The following ACYP2 variants were observed in gnomAD, a reference collection of about 807,000 sequenced individuals.
ACYP2 encodes acylphosphatase-2.
ACYP2 carries 12 observed loss-of-function variants against 11.2 expected under a neutral mutation model. The observed-to-expected ratio is 1.08, with a 90% CI of 0.69 to 1.74. The LOEUF is 1.74. Among genes scored for constraint, ACYP2 ranks in the 40% most tolerant of loss-of-function variants. The probability of loss-of-function intolerance (pLI) is 0.00; values close to 1 mark genes in which losing one functional copy is unlikely to be tolerated. For synonymous variants in ACYP2, 43 were observed against 32.2 expected (o/e 1.33, Z -1.13); for missense variants, 134 against 101.9 (o/e 1.31, Z -1.35).
At position 54,256,774 on chromosome 2, in the gene ACYP2, C is replaced by A. The variant is rs371438510; in HGVS notation, c.405-47914C>A. Reference sequence around the variant, plus strand: ...CTCCTGCTTCAGCCTCCCAAGTAGCCGGGATTACAGGCGCCCACCACCATG... The same window carrying A: ...CTCCTGCTTCAGCCTCCCAAGTAGCAGGGATTACAGGCGCCCACCACCATG... On this transcript the variant is annotated intron_variant, in intron 6 of 6. Coordinates refer to ENST00000607452, the MANE Select transcript of ACYP2 (RefSeq NM_001320586.2). Among the ~76,000 whole-genome samples the A allele has an allele frequency of 1.5e-4, 23 of 152,180 alleles. No homozygotes were observed. In the East Asian group the frequency reaches 3.3e-3, roughly 22 times the overall value.
At chr2:54,180,003 C>T (rs907287131) in intron 6 of ACYP2, among the ~76,000 whole-genome samples, 2 of 152,296 alleles carry the variant, frequency 1.3e-5, no homozygotes, top group East Asian at 3.9e-4. Flanking sequence ...TTCTGACCAA[C>T]TGACTGGCTT....
intron 6 of ACYP2, among the ~76,000 whole-genome samples, chr2:54,208,258 C>G (rs1476133411): frequency 1.3e-5 from 2 of 151,980 alleles, no homozygotes; most frequent in African/African-American, 2.4e-5. Context: ...TTTCCCTCCC[C>G]TCTTCTTCCC....
chr2:54,057,380 A>G (rs1676209901), intron 4 of ACYP2: 1 of 397,420 alleles, frequency 2.5e-6, no homozygotes. Context: ...CAAAATAAAT[A>G]CTGATTTTAA....
intron 4 of ACYP2, among the ~76,000 whole-genome samples, chr2:54,097,607 T>C (rs987781143): frequency 3.9e-5 from 6 of 152,108 alleles, no homozygotes; most frequent in Non-Finnish European, 7.4e-5. Flanking sequence ...GGGAAAGGTA[T>C]GGTGAACCCT....
At chr2:54,029,453 G>T (rs1674468994) in intron 2 of ACYP2, 2 of 290,372 alleles carry the variant, frequency 6.9e-6, no homozygotes, top group South Asian at 7.5e-5. Context: ...ATATGTATAT[G>T]TACACACACA....
At chr2:54,242,920 A>G (rs1686791808) in intron 6 of ACYP2, among the ~76,000 whole-genome samples, 1 of 152,224 alleles carries the variant, frequency 6.6e-6, no homozygotes, top group Admixed American at 6.5e-5. Flanking sequence ...GACCGTATGT[A>G]TTATCTGAAG....
intron 6 of ACYP2, among the ~76,000 whole-genome samples, chr2:54,295,382 A>G (rs1276138600): frequency 2.0e-5 from 3 of 152,260 alleles, no homozygotes; most frequent in African/African-American, 7.2e-5. Context: ...ATATTTTCTG[A>G]GTTTCTGTAA....
intron 4 of ACYP2, among the ~76,000 whole-genome samples, chr2:54,057,881 C>G (rs1676241727): frequency 6.6e-6 from 1 of 152,014 alleles, no homozygotes. Context: ...GGAAGAGAGG[C>G]TTTTGATTTG....
intron 6 of ACYP2, among the ~76,000 whole-genome samples, chr2:54,181,297 T>G (rs898372091): frequency 5.3e-5 from 8 of 152,182 alleles, no homozygotes; most frequent in African/African-American, 1.4e-4. Flanking sequence ...CACTTTAGAC[T>G]GGATGGTCAG....
chr2:54,083,621 T>A (rs1677787308), intron 4 of ACYP2, among the ~76,000 whole-genome samples: 1 of 152,196 alleles, frequency 6.6e-6, no homozygotes, highest in African/African-American at 2.4e-5. Flanking sequence ...TGATGGAGAA[T>A]GACTCTCTAC....
intron 6 of ACYP2, among the ~76,000 whole-genome samples, chr2:54,204,392 A>G (rs1684988957): frequency 6.7e-6 from 1 of 150,276 alleles, no homozygotes; most frequent in Non-Finnish European, 1.5e-5. Context: ...TTCTTCTTCC[A>G]GTGTGGCCCA....
chr2:54,249,831 C>T (rs1687129877), intron 6 of ACYP2, among the ~76,000 whole-genome samples: 1 of 150,142 alleles, frequency 6.7e-6, no homozygotes, highest in Non-Finnish European at 1.5e-5. Context: ...GTAGTCCCAG[C>T]TACTAGGCTG....
At chr2:54,045,307 C>G (rs754558459) in intron 2 of ACYP2, among the ~76,000 whole-genome samples, 1 of 152,170 alleles carries the variant, frequency 6.6e-6, no homozygotes, top group Non-Finnish European at 1.5e-5. Context: ...ATTTGAGGGT[C>G]TCCTCCCATC....
At chr2:54,239,699 C>T (rs1686648282) in intron 6 of ACYP2, among the ~76,000 whole-genome samples, 1 of 152,140 alleles carries the variant, frequency 6.6e-6, no homozygotes, top group South Asian at 2.1e-4. Flanking sequence ...ACAGCATCAT[C>T]ACAGCTGAAC....
At chr2:54,059,304 C>T (rs1676344585) in intron 4 of ACYP2, among the ~76,000 whole-genome samples, 1 of 151,936 alleles carries the variant, frequency 6.6e-6, no homozygotes, top group South Asian at 2.1e-4. Flanking sequence ...CTGCAACCTC[C>T]ACCTCCCAGG....
At chr2:54,042,545 C>G (rs1675290957) in intron 2 of ACYP2, among the ~76,000 whole-genome samples, 1 of 152,202 alleles carries the variant, frequency 6.6e-6, no homozygotes, top group Non-Finnish European at 1.5e-5. Flanking sequence ...AGGGTAGATG[C>G]TGGAGAGTGA....
At chr2:54,070,288 A>T (rs1224342844) in intron 4 of ACYP2, among the ~76,000 whole-genome samples, 1 of 149,188 alleles carries the variant, frequency 6.7e-6, no homozygotes, top group Non-Finnish European at 1.5e-5. Flanking sequence ...AAAAAAAAAA[A>T]GAAAGAAAGA....
intron 6 of ACYP2, chr2:54,253,247 C>G (rs1208652665): frequency 6.6e-6 from 1 of 152,102 alleles, no homozygotes; most frequent in Admixed American, 6.5e-5. Flanking sequence ...CAGATAAGAC[C>G]AAGTTATTCA....
At chr2:53,979,037 T>C (rs1245134165) in intron 2 of ACYP2, among the ~76,000 whole-genome samples, 1 of 152,168 alleles carries the variant, frequency 6.6e-6, no homozygotes, top group Non-Finnish European at 1.5e-5. Flanking sequence ...ATTGTTATTT[T>C]AAATTGTACT....
Sources: gnomAD v4.1 joint callset for allele counts (sites outside exome capture counted in the v4.1 genomes callset) on GRCh38, gnomAD v4.1.1 for gene constraint, MANE v1.5 for transcripts, NCBI Gene and HGNC (gene_info 2026-07-23, HGNC 2026-07-21) for gene names.